The following RFTN1 variants were observed in gnomAD, a reference collection of about 807,000 sequenced individuals.
RFTN1 encodes raftlin, lipid raft linker 1.
RFTN1 carries 26 observed loss-of-function variants against 46.5 expected under a neutral mutation model. The ratio of observed to expected loss-of-function variants is 0.56; its 90% CI spans 0.41 to 0.78. The LOEUF (loss-of-function observed/expected upper bound fraction) is 0.78, where lower values mean the gene tolerates loss of function less well. Ranked by LOEUF, RFTN1 falls within the 30% of genes least tolerant of loss-of-function variation. The pLI is 0.00. For missense variants in RFTN1, 693 were observed against 718.7 expected (o/e 0.96, Z 0.41); for synonymous variants, 261 against 284.2 (o/e 0.92, Z 0.82).
Position 16,489,036 on chromosome 3 carries a change from T to C in RFTN1, c.145+4689A>G, listed in dbSNP as rs2076497498. Reference sequence around the variant, plus strand: ...CCAAACAACATAAATCAATCTTAAATGAGTAAGTTGAGTGAATGAGAAGAG... The same window carrying C: ...CCAAACAACATAAATCAATCTTAAACGAGTAAGTTGAGTGAATGAGAAGAG... On this transcript the variant is annotated intron_variant, in intron 2 of 9. Coordinates refer to ENST00000334133, the MANE Select transcript of RFTN1 (RefSeq NM_015150.2). The surrounding 1 kb of genome is among the most constrained non-coding windows in gnomAD (Gnocchi z 4.0). 6.6e-6 allele frequency among the ~76,000 whole-genome samples: 1 copy of C among 152,168 alleles called. No homozygotes were observed.
intron 2 of RFTN1, among the ~76,000 whole-genome samples, chr3:16,463,730 C>A (rs2076043870): frequency 6.6e-6 from 1 of 152,104 alleles, no homozygotes; most frequent in African/African-American, 2.4e-5. Context: ...CATTGACACA[C>A]CTAATAATTT....
Position 16,316,422 on chromosome 3 carries a change from G to A in RFTN1, c.*406C>T, listed in dbSNP as rs749074695. 2.0e-5 allele frequency: 5 copies of A among 251,416 alleles called. No homozygotes were observed. Among genetic ancestry groups the A allele is most frequent in the Non-Finnish European group, 3.9e-5 (5 of 129,200 alleles). 15.6% of individuals were successfully genotyped at this position (251,416 alleles called of 1,614,324 possible). On this transcript the variant is annotated 3_prime_UTR_variant, in exon 10 of 10. Transcript: ENST00000334133. This position sits in a 1 kb window ranked among gnomAD's most constrained non-coding sequence, Gnocchi z 4.5. ...GCAGGGGATGGACACTGCCCCACAC[G>A]ATGTGGGATGAACAGCAGCCTTGGT...
rs912265824 is a variant in RFTN1, at chr3:16,418,249, A to G, written c.333-8766T>C. On this transcript the variant is annotated intron_variant, in intron 3 of 9. Coordinates refer to ENST00000334133, the MANE Select transcript of RFTN1 (RefSeq NM_015150.2). This position sits in a 1 kb window ranked among gnomAD's most constrained non-coding sequence, Gnocchi z 5.0. ...TCTAAAATGAGGCCACTAAAAAACAATTGCCTGTCGAAAAACTATTATAAA... is the reference window on the plus strand; with the variant it reads ...TCTAAAATGAGGCCACTAAAAAACAGTTGCCTGTCGAAAAACTATTATAAA... Among the ~76,000 whole-genome samples the G allele has an allele frequency of 5.3e-5, 8 of 152,218 alleles. No individual in the cohort carries two copies. The highest frequency in any genetic ancestry group is 1.2e-4 in the Non-Finnish European group (8 of 68,032).
intron 6 of RFTN1, among the ~76,000 whole-genome samples, chr3:16,367,716 G>A (rs2073278736): frequency 6.6e-6 from 1 of 152,238 alleles, no homozygotes; most frequent in Non-Finnish European, 1.5e-5. Context: ...TGCTTAAGTT[G>A]TCTGCATTTC....
rs746640636 is a variant in RFTN1 at position 16,335,239 on chromosome 3, A to T, written c.1147-8363T>A. Among the ~76,000 whole-genome samples the T allele has an allele frequency of 2.0e-5, 3 of 152,204 alleles. No homozygotes were observed. The highest frequency in any genetic ancestry group is 2.9e-5 in the Non-Finnish European group (2 of 68,030). On this transcript the variant is annotated intron_variant, in intron 7 of 9. Coordinates refer to ENST00000334133, the MANE Select transcript of RFTN1 (RefSeq NM_015150.2). This position sits in a 1 kb window ranked among gnomAD's most constrained non-coding sequence, Gnocchi z 4.7. ...AACACTTGGAGGTGCTGACAGATGC[A>T]GGGTAGGTGAAAACTCCTGGAGGGA...
chr3:16,462,775 G>T (rs2076027615), intron 2 of RFTN1, among the ~76,000 whole-genome samples: 1 of 152,186 alleles, frequency 6.6e-6, no homozygotes. Context: ...GCAGCCCCAG[G>T]AAACTAATAC....
In RFTN1 at chr3:16,425,820, A is replaced by G. The variant is rs2075279487; in HGVS notation, c.332+8031T>C. 6.6e-6 allele frequency among the ~76,000 whole-genome samples: 1 copy of G among 152,138 alleles called. No individual in the cohort carries two copies. The highest frequency in any genetic ancestry group is 1.5e-5 in the Non-Finnish European group (1 of 68,024). ...ATGGGAAAATAAGAGGAATAAATTA[A>G]GGTAGTCTTGGTGATGCTGGACAGC... On this transcript the variant is annotated intron_variant, in intron 3 of 9. Coordinates refer to ENST00000334133, the MANE Select transcript of RFTN1 (RefSeq NM_015150.2). This position sits in a 1 kb window ranked among gnomAD's most constrained non-coding sequence, Gnocchi z 4.3.
At position 16,460,185 on chromosome 3, in the gene RFTN1, G is replaced by C. The variant is rs1420836300; in HGVS notation, c.146-26148C>G. Among the ~76,000 whole-genome samples the C allele has an allele frequency of 3.9e-5, 6 of 152,266 alleles. No homozygotes were observed. The East Asian group carries it at 1.2e-3, about 29-fold the overall frequency. On this transcript the variant is annotated intron_variant, in intron 2 of 9. Coordinates refer to ENST00000334133, the MANE Select transcript of RFTN1 (RefSeq NM_015150.2). The surrounding 1 kb of genome is among the most constrained non-coding windows in gnomAD (Gnocchi z 4.8). ...TTCTGGCCCTGCAAAACACAGAAGT[G>C]TCTCAATTTCTCTTTTTCCACCGTG...
intron 2 of RFTN1, among the ~76,000 whole-genome samples, chr3:16,435,453 C>T (rs1331392243): frequency 6.6e-6 from 1 of 152,068 alleles, no homozygotes; most frequent in Non-Finnish European, 1.5e-5. Flanking sequence ...GCCTGTAATC[C>T]CAGCTACTCG....
intron 8 of RFTN1, 50 bp from the exon 9 acceptor site, chr3:16,323,507 C>A: frequency 7.7e-7 from 1 of 1,299,350 alleles, no homozygotes; most frequent in Non-Finnish European, 1.1e-6. Flanking sequence ...TAGAGGAACC[C>A]AAAACCTGAC....
rs571095135 is a variant in RFTN1, at chr3:16,335,624, G to A, written c.1147-8748C>T. Among the ~76,000 whole-genome samples the A allele has an allele frequency of 3.9e-4, 59 of 152,162 alleles. No homozygotes were observed. The highest frequency in any genetic ancestry group is 4.3e-4 in the Non-Finnish European group (29 of 68,030). On this transcript the variant is annotated intron_variant, in intron 7 of 9. Transcript: ENST00000334133. The surrounding 1 kb of genome is among the most constrained non-coding windows in gnomAD (Gnocchi z 4.7). Reference sequence around the variant, plus strand: ...GGAGCAACACACACTGGGACCTGTTGGAGGTGTGGGAGGAGGGAGAGCATC... The same window carrying A: ...GGAGCAACACACACTGGGACCTGTTAGAGGTGTGGGAGGAGGGAGAGCATC...
At chr3:16,469,856 CT>C (rs1559363012) in intron 2 of RFTN1, among the ~76,000 whole-genome samples, 1 of 152,240 alleles carries the variant, frequency 6.6e-6, no homozygotes, top group African/African-American at 2.4e-5. Flanking sequence ...CCCAAGGACC[CT>C]TTCTGTTGAC....
At chr3:16,471,715 A>G (rs1559363897) in intron 2 of RFTN1, among the ~76,000 whole-genome samples, 1 of 152,170 alleles carries the variant, frequency 6.6e-6, no homozygotes, top group Admixed American at 6.5e-5. Flanking sequence ...ATTCTAAAAC[A>G]CACACATAAA....
rs735592 is a variant in RFTN1 at position 16,400,156 on chromosome 3, G to C, written c.441+9219C>G. Among the ~76,000 whole-genome samples the C allele has an allele frequency of 0.16, 24,646 of 152,162 alleles. 2,342 individuals carry two copies. Among genetic ancestry groups the C allele is most frequent in the East Asian group, 0.3 (1,531 of 5,176 alleles). On this transcript the variant is annotated intron_variant, in intron 4 of 9. Coordinates refer to ENST00000334133, the MANE Select transcript of RFTN1 (RefSeq NM_015150.2). This position sits in a 1 kb window ranked among gnomAD's most constrained non-coding sequence, Gnocchi z 4.5. ...CATCCTCAGCCTGGCCTGCAGGGCT[G>C]TATGGGGACCCGACTCACTCTCCAG...
chr3:16,336,382 G>A lies in RFTN1; in HGVS notation c.1147-9506C>T, dbSNP rs73142385. 0.067 allele frequency among the ~76,000 whole-genome samples: 10,237 copies of A among 152,246 alleles called. 855 individuals are homozygous for A. The highest frequency in any genetic ancestry group is 0.2 in the African/African-American group (8,202 of 41,506). ...GTGGAGCCCATGGAGGTGAGGTGGA[G>A]GGAGGGAGAAGGGAAGGGGCGACCT... On this transcript the variant is annotated intron_variant, in intron 7 of 9. Transcript: ENST00000334133. This position sits in a 1 kb window ranked among gnomAD's most constrained non-coding sequence, Gnocchi z 6.0.
At chr3:16,409,747 T>G (rs1186058884) in intron 3 of RFTN1, among the ~76,000 whole-genome samples, 1 of 146,504 alleles carries the variant, frequency 6.8e-6, no homozygotes, top group Non-Finnish European at 1.5e-5. Flanking sequence ...TGCAGTGGCG[T>G]GATCTCGGCT....
chr3:16,401,286 T>A (rs1349178559), intron 4 of RFTN1, among the ~76,000 whole-genome samples: 2 of 148,624 alleles, frequency 1.3e-5, no homozygotes, highest in Non-Finnish European at 3.0e-5. Context: ...ATTGTGCCAC[T>A]GTACTCCAGC....
rs535235908 is a variant in RFTN1, at chr3:16,429,588, A to G, written c.332+4263T>C. Among the ~76,000 whole-genome samples the G allele has an allele frequency of 2.0e-5, 3 of 152,278 alleles. No individual in the cohort carries two copies. Among genetic ancestry groups the G allele is most frequent in the Admixed American group, 1.3e-4 (2 of 15,308 alleles). ...CAAGTGCTTGGAAGGCAGGCTCCAC[A>G]TTCAACTGAGCCTGGCATTTGCACT... On this transcript the variant is annotated intron_variant, in intron 3 of 9. Transcript: ENST00000334133. This position sits in a 1 kb window ranked among gnomAD's most constrained non-coding sequence, Gnocchi z 6.4.
chr3:16,364,692 G>C (rs1020936756), intron 6 of RFTN1, among the ~76,000 whole-genome samples: 4 of 152,202 alleles, frequency 2.6e-5, no homozygotes, highest in African/African-American at 9.7e-5. Flanking sequence ...GCTTGTAAAT[G>C]GCTAAGTTAC....
Sources: allele counts gnomAD v4.1 joint callset (sites outside exome capture counted in the v4.1 genomes callset), GRCh38; gene constraint gnomAD v4.1.1; non-coding constraint Gnocchi (gnomAD v3.1); transcripts MANE v1.5; gene names NCBI Gene and HGNC (gene_info 2026-07-23, HGNC 2026-07-21).